Variants in HELLS observed in about 807,000 individuals in gnomAD.
HELLS encodes the protein helicase, lymphoid specific, also known as lymphoid-specific helicase.
HELLS carries 32 observed loss-of-function variants against 120.0 expected under a neutral mutation model. The observed-to-expected ratio is 0.27, with a 90% confidence interval of 0.20 to 0.36. The LOEUF (loss-of-function observed/expected upper bound fraction) is 0.36, where lower values mean the gene tolerates loss of function less well. Ranked by LOEUF, HELLS falls within the 10% of genes least tolerant of loss-of-function variation. The pLI is 1.00. For missense variants in HELLS, 650 were observed against 993.4 expected (o/e 0.65, Z 4.65); for synonymous variants, 341 against 323.4 (o/e 1.05, Z -0.58).
chr10:94,608,292 T>C (rs1268174688), intron 9 of HELLS, among the ~76,000 whole-genome samples: 1 of 152,242 alleles, frequency 6.6e-6, no homozygotes, highest in East Asian at 1.9e-4. Flanking sequence ...TTGTCCTTTT[T>C]AGAAATCTTA....
In HELLS at chr10:94,545,845, A is replaced by T; in HGVS notation, c.-77A>T. The T allele has an allele frequency of 1.4e-6, 2 of 1,477,194 alleles. No homozygotes were observed. The highest frequency in any genetic ancestry group is 9.3e-7 in the Non-Finnish European group (1 of 1,079,042). 91.5% of individuals were successfully genotyped at this position (1,477,194 alleles called of 1,614,324 possible). On this transcript the variant is annotated 5_prime_UTR_variant, in exon 1 of 22. Transcript: ENST00000348459. ...GATTTGGCTAGAAGGCTGGGCCGGC[A>T]GCGGTTGTGAGGAGTTAGCTCGCGG...
At chr10:94,583,126 C>A (rs1844956735) in intron 12 of HELLS, 67 bp downstream of exon 12, 2 of 793,898 alleles carry the variant, frequency 2.5e-6, no homozygotes, top group South Asian at 1.9e-5. Flanking sequence ...CTCTGGAGAT[C>A]ACCTGTCTAA....
At chr10:94,609,462 GGTGTGTTAAGTAAT>G (rs1212192412) in intron 9 of HELLS, among the ~76,000 whole-genome samples, 1 of 152,116 alleles carries the variant, frequency 6.6e-6, no homozygotes, top group African/African-American at 2.4e-5. Flanking sequence ...AACTATGATA[GGTGTGTTAAGTAAT>G]GAAGTTTGGG....
intron 2 of HELLS, among the ~76,000 whole-genome samples, chr10:94,547,081 C>G (rs774762299): frequency 6.6e-6 from 1 of 152,146 alleles, no homozygotes; most frequent in Non-Finnish European, 1.5e-5. Flanking sequence ...TTTTCAATGA[C>G]AAGTTGCTGT....
intron 2 of HELLS, among the ~76,000 whole-genome samples, chr10:94,549,312 CAG>C (rs1425841037): frequency 5.3e-5 from 8 of 152,166 alleles, no homozygotes; most frequent in African/African-American, 1.9e-4. Context: ...AAGTACTTAA[CAG>C]AGGAAGAGCT....
exon 10 of HELLS, chr10:94,611,675 T>C (rs1846194932): frequency 6.6e-6 from 1 of 152,176 alleles, no homozygotes; most frequent in South Asian, 2.1e-4. Flanking sequence ...AATTCTGAGG[T>C]ATTTTCCCGG....
At chr10:94,580,259 A>T (rs1844804402) in intron 10 of HELLS, among the ~76,000 whole-genome samples, 1 of 137,578 alleles carries the variant, frequency 7.3e-6, no homozygotes, top group Non-Finnish European at 1.5e-5. Flanking sequence ...ATCTCGGCTT[A>T]CTGCAACCTG....
At chr10:94,607,258 A>G (rs1173300733) in intron 8 of HELLS, among the ~76,000 whole-genome samples, 2 of 152,068 alleles carry the variant, frequency 1.3e-5, no homozygotes, top group Non-Finnish European at 2.9e-5. Flanking sequence ...GAAAACCTCT[A>G]TCTAACACTG....
At chr10:94,577,660 C>T (rs560142771) in intron 10 of HELLS, 2 of 152,436 alleles carry the variant, frequency 1.3e-5, no homozygotes, top group South Asian at 2.1e-4. Context: ...GGCATGAAGG[C>T]TTATGCCAGT....
intron 10 of HELLS, among the ~76,000 whole-genome samples, chr10:94,580,185 A>ATTT: frequency 1.4e-5 from 1 of 69,376 alleles, no homozygotes; most frequent in Non-Finnish European, 2.6e-5. Context: ...ACACACACAC[A>ATTT]TTTTTTTTTT....
intron 4 of HELLS, among the ~76,000 whole-genome samples, chr10:94,560,268 G>A (rs1843484229): frequency 6.6e-6 from 1 of 152,136 alleles, no homozygotes; most frequent in Non-Finnish European, 1.5e-5. Flanking sequence ...CTGATCTTGT[G>A]ATCCACTTGC....
At chr10:94,571,359 A>G (rs374976469) in intron 6 of HELLS, 29 bp from the exon 7 acceptor site, 22 of 1,416,256 alleles carry the variant, frequency 1.6e-5, no homozygotes, top group Non-Finnish European at 2.2e-5. Flanking sequence ...ATACATTATT[A>G]ATTTGTTTTT....
In HELLS at chr10:94,609,347, A is replaced by T. The variant is rs149695741; in HGVS notation, c.*2-506A>T. ...ATATATCCACCACTTTACCATCCAC[A>T]TTAGCATTTCATTAGCTTCTCTTTG... On this transcript the variant is annotated intron_variant, in intron 9 of 9. Transcript: ENST00000371327. 1.8e-4 allele frequency among the ~76,000 whole-genome samples: 27 copies of T among 152,196 alleles called. No homozygotes were observed. In the East Asian group the frequency reaches 4.8e-3, roughly 27 times the overall value.
chr10:94,583,959 C>A, intron 12 of HELLS: 1 of 540,196 alleles, frequency 1.9e-6, no homozygotes, highest in African/African-American at 1.9e-5. Flanking sequence ...TAAAACTACA[C>A]CTTTGCCCAT....
At chr10:94,611,367 G>A (rs1195746308) in exon 10 of HELLS, 1 of 152,044 alleles carries the variant, frequency 6.6e-6, no homozygotes, top group African/African-American at 2.4e-5. Context: ...TGTAATGTTT[G>A]CTACTTAATG....
chr10:94,580,537 T>G (rs1003519957), intron 10 of HELLS, among the ~76,000 whole-genome samples: 1 of 152,128 alleles, frequency 6.6e-6, no homozygotes, highest in African/African-American at 2.4e-5. Context: ...CAGTGAGAGA[T>G]AATTCAGGTT....
At chr10:94,597,764 T>C (rs6583947) in intron 21 of HELLS, among the ~76,000 whole-genome samples, 104,966 of 151,990 alleles carry the variant, frequency 0.69, 37,006 homozygotes, top group African/African-American at 0.83. Context: ...AACTCCTGAT[T>C]TCAGGTGTTG....
intron 12 of HELLS, among the ~76,000 whole-genome samples, chr10:94,587,989 AT>A: frequency 6.6e-6 from 1 of 152,306 alleles, no homozygotes; most frequent in Non-Finnish European, 1.5e-5. Context: ...TACTTTTAAA[AT>A]TATTTGAGAT....
chr10:94,603,093 C>T (rs1846083783), downstream of HELLS, among the ~76,000 whole-genome samples: 1 of 152,180 alleles, frequency 6.6e-6, no homozygotes, highest in Admixed American at 6.5e-5. Flanking sequence ...CCCATCTGTC[C>T]CCATCTGCCC....
Sources: allele counts gnomAD v4.1 joint callset (sites outside exome capture counted in the v4.1 genomes callset), GRCh38; gene constraint gnomAD v4.1.1; transcripts MANE v1.5; gene names NCBI Gene and HGNC (gene_info 2026-07-23, HGNC 2026-07-21).